THSD7A: variants seen among roughly 807,000 people sequenced by gnomAD.
The protein encoded by THSD7A is thrombospondin type-1 domain-containing protein 7A.
THSD7A carries 96 observed loss-of-function variants against 231.3 expected under a neutral mutation model. The ratio of observed to expected loss-of-function variants is 0.41; its 90% CI spans 0.35 to 0.49. The LOEUF (loss-of-function observed/expected upper bound fraction) is 0.49. Ranked by LOEUF, THSD7A falls within the 20% of genes least tolerant of loss-of-function variation. THSD7A has a pLI of 0.05. For synonymous variants in THSD7A, 940 were observed against 743.3 expected (o/e 1.26, Z -4.30); for missense variants, 2,290 against 2,070.2 (o/e 1.11, Z -2.06).
chr7:11,601,223 G>A (rs754469604), intron 2 of THSD7A, among the ~76,000 whole-genome samples: 4 of 151,476 alleles, frequency 2.6e-5, no homozygotes, highest in Non-Finnish European at 5.9e-5. Context: ...TACTTATTAA[G>A]CTCATATTGT....
At chr7:11,535,733 T>G (rs1375538726) in intron 6 of THSD7A, among the ~76,000 whole-genome samples, 1 of 152,146 alleles carries the variant, frequency 6.6e-6, no homozygotes, top group Non-Finnish European at 1.5e-5. Context: ...AATGGCCTTG[T>G]AATTTGTGTT....
intron 1 of THSD7A, among the ~76,000 whole-genome samples, chr7:11,658,921 G>A (rs774689445): frequency 3.3e-5 from 5 of 151,784 alleles, no homozygotes; most frequent in African/African-American, 4.8e-5. Context: ...TATAGTGTAT[G>A]CCTAAAAGGA....
In THSD7A at chr7:11,622,151, C is replaced by T. The variant is rs147254242; in HGVS notation, c.1022+13979G>A. On this transcript the variant is annotated intron_variant, in intron 2 of 27. Coordinates refer to ENST00000423059, the MANE Select transcript of THSD7A (RefSeq NM_015204.3). Reference sequence around the variant, plus strand: ...TTTATCTTTTTAATATTGGTCTTGTCTTAACATTTTAAAGGTACATATACC... The same window carrying T: ...TTTATCTTTTTAATATTGGTCTTGTTTTAACATTTTAAAGGTACATATACC... 2.8e-3 allele frequency among the ~76,000 whole-genome samples: 422 copies of T among 152,046 alleles called. 3 individuals carry two copies. The highest frequency in any genetic ancestry group is 9.7e-3 in the African/African-American group (402 of 41,512).
chr7:11,831,771 T>TAG lies in THSD7A; in HGVS notation c.174_175dup (p.Tyr59SerfsTer78). The TAG allele has an allele frequency of 6.8e-7, 1 of 1,477,736 alleles. No homozygotes were observed. Among genetic ancestry groups the TAG allele is most frequent in the Non-Finnish European group, 9.0e-7 (1 of 1,110,930 alleles). 91.5% of individuals were successfully genotyped at this position (1,477,736 alleles called of 1,614,324 possible). A position where few individuals can be genotyped will look rare whatever the true frequency, so the allele number is the denominator to read the frequency against. On this transcript the variant is annotated frameshift_variant, in exon 1 of 28. Transcript: ENST00000423059. LOFTEE classifies it high-confidence loss of function. The surrounding 1 kb of genome is among the most constrained non-coding windows in gnomAD (Gnocchi z 5.0). ...GTCCCACTTACCAGTCTTCCACAGA[T>TAG]AGAGGGTGGGCGCCTCCGCCTCGCC...
intron 2 of THSD7A, 86 bp from the exon 3 acceptor site, chr7:11,593,588 G>C: frequency 6.7e-7 from 1 of 1,498,052 alleles, no homozygotes; most frequent in Non-Finnish European, 9.0e-7. Flanking sequence ...ATCAGCTTGG[G>C]CATTTTTATT....
intron 1 of THSD7A, among the ~76,000 whole-genome samples, chr7:11,667,100 T>A (rs767142863): frequency 4.1e-4 from 62 of 152,084 alleles, no homozygotes; most frequent in Non-Finnish European, 8.7e-4. Flanking sequence ...TGGTTTTTGA[T>A]TACATGGATA....
intron 4 of THSD7A, among the ~76,000 whole-genome samples, chr7:11,547,723 C>A: frequency 6.6e-6 from 1 of 152,128 alleles, no homozygotes; most frequent in East Asian, 1.9e-4. Flanking sequence ...CAAAAGCATA[C>A]AATTACATGG....
chr7:11,604,968 C>T (rs764982487), intron 2 of THSD7A, among the ~76,000 whole-genome samples: 5 of 151,980 alleles, frequency 3.3e-5, no homozygotes, highest in African/African-American at 4.8e-5. Flanking sequence ...ACTCATGTTA[C>T]TGCTGCATCA....
At chr7:11,771,810 T>C (rs1358168202) in intron 1 of THSD7A, among the ~76,000 whole-genome samples, 2 of 152,188 alleles carry the variant, frequency 1.3e-5, no homozygotes. Flanking sequence ...GGTAGATCTT[T>C]CATGAATGGT....
At chr7:11,554,625 C>G (rs1789769608) in intron 4 of THSD7A, among the ~76,000 whole-genome samples, 1 of 151,856 alleles carries the variant, frequency 6.6e-6, no homozygotes, top group Non-Finnish European at 1.5e-5. Flanking sequence ...GGCTTGCATC[C>G]TTGAATAAAC....
intron 11 of THSD7A, among the ~76,000 whole-genome samples, chr7:11,448,258 T>A (rs1277340970): frequency 6.6e-6 from 1 of 152,162 alleles, no homozygotes; most frequent in Non-Finnish European, 1.5e-5. Context: ...TATTTTTACC[T>A]ATTGAACATA....
chr7:11,749,479 A>G (rs1378559572), intron 1 of THSD7A, among the ~76,000 whole-genome samples: 2 of 151,938 alleles, frequency 1.3e-5, no homozygotes, highest in African/African-American at 4.8e-5. Context: ...GATATAAAAA[A>G]GAATAAGTAT....
intron 1 of THSD7A, among the ~76,000 whole-genome samples, chr7:11,682,202 A>T (rs188963964): frequency 8.5e-5 from 13 of 152,252 alleles, no homozygotes; most frequent in African/African-American, 3.1e-4. Flanking sequence ...CATAATCAAG[A>T]GTACAAAGAA....
intron 23 of THSD7A, chr7:11,385,561 A>C (rs764450574): frequency 6.6e-5 from 10 of 151,962 alleles, no homozygotes; most frequent in Admixed American, 6.6e-5. Flanking sequence ...TTAATGTGAT[A>C]AATTACATTA....
At chr7:11,799,796 A>G (rs921411294) in intron 1 of THSD7A, among the ~76,000 whole-genome samples, 2 of 152,242 alleles carry the variant, frequency 1.3e-5, no homozygotes. Context: ...GGCACAATAT[A>G]GGAAGAATTT....
At position 11,371,763 on chromosome 7, in the gene THSD7A, C is replaced by CA. The variant is rs1782062637; in HGVS notation, c.*4030_*4031insT. ...AAGGGCTTTTTTTTTTTTTTTTTTC[C>CA]TGCATGCCTTCCACATTTTTCCTTT... On this transcript the variant is annotated 3_prime_UTR_variant, in exon 28 of 28. Transcript: ENST00000423059. 7.0e-6 allele frequency: 1 copy of CA among 142,114 alleles called. No homozygotes were observed. The highest frequency in any genetic ancestry group is 2.6e-5 in the African/African-American group (1 of 37,808). 8.8% of individuals were successfully genotyped at this position (142,114 alleles called of 1,614,324 possible).
chr7:11,565,037 C>G (rs927562653), intron 4 of THSD7A, among the ~76,000 whole-genome samples: 1 of 152,100 alleles, frequency 6.6e-6, no homozygotes, highest in Admixed American at 6.6e-5. Flanking sequence ...TATGGAGAGT[C>G]TGTCTTTCCA....
intron 4 of THSD7A, among the ~76,000 whole-genome samples, chr7:11,565,144 C>G (rs908431258): frequency 6.6e-6 from 1 of 152,094 alleles, no homozygotes; most frequent in Non-Finnish European, 1.5e-5. Flanking sequence ...CACGATGTCC[C>G]TAACAACAAA....
intron 1 of THSD7A, among the ~76,000 whole-genome samples, chr7:11,812,569 A>G (rs1349102708): frequency 6.6e-6 from 1 of 152,134 alleles, no homozygotes; most frequent in Non-Finnish European, 1.5e-5. Flanking sequence ...ACATAGACAA[A>G]ATATTTTTCA....
Sources: gnomAD v4.1 joint callset for allele counts (sites outside exome capture counted in the v4.1 genomes callset) on GRCh38, gnomAD v4.1.1 for gene constraint, Gnocchi (gnomAD v3.1) non-coding constraint, MANE v1.5 for transcripts, NCBI Gene and HGNC (gene_info 2026-07-23, HGNC 2026-07-21) for gene names.